TNC: variants seen among roughly 807,000 people sequenced by gnomAD.
The protein encoded by TNC is tenascin.
Under a neutral mutation model 202.4 loss-of-function variants are expected in TNC, and 109 were observed. The ratio of observed to expected loss-of-function variants is 0.54; its 90% CI spans 0.46 to 0.63. The LOEUF (loss-of-function observed/expected upper bound fraction) is 0.63. TNC is among the 30% of genes least tolerant of loss of function. The pLI, the probability that TNC is intolerant of heterozygous loss-of-function variation, is 0.00. For missense variants in TNC, 2,756 were observed against 2,833.3 expected, an observed-to-expected ratio of 0.97 and a Z score of 0.62; for synonymous variants, 1,007 against 1,089.7, an observed-to-expected ratio of 0.92 and a Z score of 1.50.
At chr9:115,034,930 A>G (rs1830206285) in intron 22 of TNC, among the ~76,000 whole-genome samples, 1 of 152,218 alleles carries the variant, frequency 6.6e-6, no homozygotes, top group Non-Finnish European at 1.5e-5. Context: ...AAAATATTAA[A>G]GGATCAAGAT....
chr9:115,026,645 C>T lies in TNC; in HGVS notation c.6220G>A (p.Val2074Met). 1.2e-6 allele frequency: 2 copies of T among 1,614,000 alleles called. No individual in the cohort carries two copies. The highest frequency in any genetic ancestry group is 1.7e-6 in the Non-Finnish European group (2 of 1,179,984). Reference sequence around the variant, plus strand: ...GTCTCCCCATGGTCCCGCAGGTCCACCCGGAGCTCGTACTGCCCCTGGGCT... The same window carrying T: ...GTCTCCCCATGGTCCCGCAGGTCCATCCGGAGCTCGTACTGCCCCTGGGCT... Reference protein sequence around the residue: ...ITAQGQYELRVDLRDHGETAF... With the variant: ...ITAQGQYELRMDLRDHGETAF... Residue 2074 changes from valine (V) to methionine (M), a missense_variant, in exon 26 of 28, where the codon GTG becomes ATG. Around this residue, in one of 2 missense-constraint regions of TNC, gnomAD observed 197 missense variants for 287.3 expected, o/e 0.69. Transcript: ENST00000350763.
At chr9:115,077,335 C>T (rs751657587) in intron 7 of TNC, among the ~76,000 whole-genome samples, 7 of 152,196 alleles carry the variant, frequency 4.6e-5, no homozygotes, top group East Asian at 1.9e-4. Context: ...GGATTACAGG[C>T]GTGAGCCACT....
Position 115,030,320 on chromosome 9 carries a change from C to T in TNC, c.6006G>A (p.Leu2002=), listed in dbSNP as rs61736828. 4,336 of 1,613,776 alleles carry T rather than the reference C, an allele frequency of 2.7e-3. 102 individuals carry two copies. In the African/African-American group the frequency reaches 0.052, roughly 19 times the overall value. ...DTTSGLYTIY[L]NGDKAEALEV... ...CCAGCGCCTCAGCCTTATCACCATT[C>T]AGATAAATGGTGTAGAGGCCAGAGG... The change falls in exon 24 of 28, where the codon CTG becomes CTA. Residue 2002 remains leucine (L), a synonymous_variant. Coordinates refer to ENST00000350763, the MANE Select transcript of TNC (RefSeq NM_002160.4).
chr9:115,072,547 A>G (rs975795752), intron 10 of TNC, among the ~76,000 whole-genome samples: 2 of 152,244 alleles, frequency 1.3e-5, no homozygotes, highest in Non-Finnish European at 2.9e-5. Context: ...TCAAGCTTCA[A>G]CTGGAATAAC....
At chr9:115,095,017 GA>G (rs1835531615) in intron 1 of TNC, among the ~76,000 whole-genome samples, 1 of 152,164 alleles carries the variant, frequency 6.6e-6, no homozygotes, top group Non-Finnish European at 1.5e-5. Flanking sequence ...CAAAGCACCA[GA>G]ATGTAAATAG....
At chr9:115,025,535 GT>G (rs767389422) in intron 26 of TNC, among the ~76,000 whole-genome samples, 1 of 152,092 alleles carries the variant, frequency 6.6e-6, no homozygotes, top group Non-Finnish European at 1.5e-5. Flanking sequence ...TTGCATGGGG[GT>G]GGTCCACACT....
chr9:115,111,777 C>A (rs1172949039), intron 1 of TNC, among the ~76,000 whole-genome samples: 1 of 152,044 alleles, frequency 6.6e-6, no homozygotes, highest in African/African-American at 2.4e-5. Flanking sequence ...TGGCAAGGAA[C>A]TGAGGGTAGC....
intron 25 of TNC, among the ~76,000 whole-genome samples, chr9:115,028,900 A>T (rs1427239717): frequency 8.1e-6 from 1 of 123,810 alleles, no homozygotes; most frequent in Non-Finnish European, 1.6e-5. Flanking sequence ...CCCTTTAAAT[A>T]CTAAAGCTCT....
intron 1 of TNC, among the ~76,000 whole-genome samples, chr9:115,106,064 A>C (rs146761307): frequency 1.3e-5 from 2 of 152,162 alleles, no homozygotes; most frequent in Non-Finnish European, 2.9e-5. Flanking sequence ...GGAAGTAGAG[A>C]TATACCTAAC....
At position 115,086,170 on chromosome 9, in the gene TNC, C is replaced by T. The variant is rs748090772; in HGVS notation, c.1561G>A (p.Gly521Ser). ...CVDGQCVCED[G>S]FTGPDCAELS... ...TCTGCACAGTCAGGGCCGGTGAAGC[C>T]GTCCTCACAGACGCACTGTCCGTCC... The change falls in exon 3 of 28, where the codon GGC (glycine) becomes AGC (serine). Residue 521 changes from glycine to serine, a missense_variant. Transcript: ENST00000350763. 46 of 1,614,064 alleles carry T rather than the reference C, an allele frequency of 2.8e-5. No individual in the cohort carries two copies. The highest frequency in any genetic ancestry group is 2.5e-4 in the Admixed American group (15 of 60,010).
At chr9:115,090,362 T>C (rs1564129310) in intron 2 of TNC, among the ~76,000 whole-genome samples, 200 bp downstream of exon 2, 1 of 152,190 alleles carries the variant, frequency 6.6e-6, no homozygotes. Context: ...TGAGAAGCAG[T>C]TGTCGCCGTG....
chr9:115,107,699 A>G (rs1339270002), intron 1 of TNC, among the ~76,000 whole-genome samples: 3 of 152,218 alleles, frequency 2.0e-5, no homozygotes, highest in Non-Finnish European at 4.4e-5. Context: ...TCTGCTTTCA[A>G]CTACATTGAG....
intron 2 of TNC, among the ~76,000 whole-genome samples, chr9:115,088,730 CTAAG>C: frequency 1.3e-5 from 2 of 151,720 alleles, no homozygotes; most frequent in East Asian, 3.9e-4. Context: ...AAGTGAGAGT[CTAAG>C]TATGTACTAT....
At chr9:115,039,827 A>G (rs1383015982) in intron 19 of TNC, among the ~76,000 whole-genome samples, 1 of 152,234 alleles carries the variant, frequency 6.6e-6, no homozygotes, top group Non-Finnish European at 1.5e-5. Flanking sequence ...AGCTTTTGCC[A>G]TCTGTTGCCG....
rs1221769532 is a variant in TNC at position 115,086,675 on chromosome 9, G to T, written c.1056C>A (p.Thr352=). ...ACTGCCCCTCCTCACACCGGCCCTG[G>T]GTGTGGCAGGCATGTGGGCAGGTGG... is the stretch of plus-strand genomic sequence containing the variant. ...GKPTCPHACH[T]QGRCEEGQCV... is the part of the protein sequence containing the mutation. The change falls in exon 3 of 28, where the codon ACC becomes ACA. Residue 352 remains threonine, a synonymous_variant. Coordinates refer to ENST00000350763, the MANE Select transcript of TNC (RefSeq NM_002160.4). 2 of 1,614,102 alleles carry T rather than the reference G, an allele frequency of 1.2e-6. No individual in the cohort carries two copies.
At chr9:115,075,645 C>T (rs926192928) in intron 9 of TNC, among the ~76,000 whole-genome samples, 2 of 152,006 alleles carry the variant, frequency 1.3e-5, no homozygotes, top group East Asian at 1.9e-4. Flanking sequence ...ATTAGCTGGG[C>T]GTGGTGGTAT....
Position 115,029,127 on chromosome 9 carries a change from T to A in TNC, c.6169+233A>T, listed in dbSNP as rs78708802. Among the ~76,000 whole-genome samples the A allele has an allele frequency of 0.011, 1,725 of 151,870 alleles. 47 individuals are homozygous for A. Among genetic ancestry groups the A allele is most frequent in the African/African-American group, 0.039 (1,598 of 41,388 alleles). Reference sequence around the variant, plus strand: ...GGGCGTGTCCTTAACGTTGGCTAAGTAAACCTCTAAATTGATTGAGATCTG... The same window carrying A: ...GGGCGTGTCCTTAACGTTGGCTAAGAAAACCTCTAAATTGATTGAGATCTG... On this transcript the variant is annotated intron_variant, in intron 25 of 27. Transcript: ENST00000350763.
chr9:115,054,095 C>A (rs1303254219), intron 15 of TNC, among the ~76,000 whole-genome samples: 3 of 152,090 alleles, frequency 2.0e-5, no homozygotes, highest in Admixed American at 1.3e-4. Context: ...AGAGAGGCAA[C>A]AGTACTGGAG....
rs771654132 is a variant in TNC at position 115,038,271 on chromosome 9, T to C, written c.5502A>G (p.Thr1834=). The C allele has an allele frequency of 1.2e-6, 2 of 1,613,858 alleles. No homozygotes were observed. The highest frequency in any genetic ancestry group is 3.3e-5 in the Admixed American group (2 of 60,018). The stretch of plus-strand genomic sequence containing the variant: ...TGGACAAAACCTTACCTTTCTCGCC[T>C]GTGTAGGAGATGACATAACTGTCCA... The part of the protein sequence containing the change: ...ATVDSYVISY[T]GEKVPEITRT... The change falls in exon 20 of 28, where the codon ACA becomes ACG. Residue 1834 remains threonine (T), a synonymous_variant. Transcript: ENST00000350763.
Sources: allele counts gnomAD v4.1 joint callset (sites outside exome capture counted in the v4.1 genomes callset), GRCh38; gene constraint gnomAD v4.1.1; regional missense constraint gnomAD v4.1.1; transcripts MANE v1.5; gene names NCBI Gene and HGNC (gene_info 2026-07-23, HGNC 2026-07-21).